Variants in CDADC1 observed in about 807,000 individuals in gnomAD.
The protein encoded by CDADC1 is cytidine and dCMP deaminase domain containing 1.
In CDADC1, 39 loss-of-function variants were observed where a neutral mutation model predicts 54.9. The ratio of observed to expected loss-of-function variants is 0.71; its 90% CI spans 0.55 to 0.93. CDADC1 has a LOEUF of 0.93. Ranked by LOEUF, CDADC1 falls within the 40% of genes least tolerant of loss-of-function variation. The probability of loss-of-function intolerance (pLI) is 0.00; values close to 1 mark genes in which losing one functional copy is unlikely to be tolerated. For synonymous variants in CDADC1, 186 were observed against 204.0 expected, an observed-to-expected ratio of 0.91 and a Z score of 0.75; for missense variants, 518 against 618.8, an observed-to-expected ratio of 0.84 and a Z score of 1.73.
intron 5 of CDADC1, among the ~76,000 whole-genome samples, chr13:49,273,833 T>C (rs1385626138): frequency 6.6e-6 from 1 of 152,262 alleles, no homozygotes; most frequent in Non-Finnish European, 1.5e-5. Context: ...ATATTTTCCA[T>C]GATTAGAGTA....
chr13:49,270,953 A>G (rs1952950606), intron 5 of CDADC1, among the ~76,000 whole-genome samples: 1 of 152,224 alleles, frequency 6.6e-6, no homozygotes, highest in African/African-American at 2.4e-5. Flanking sequence ...TGATGACCTC[A>G]TTTCTCCCTA....
chr13:49,276,758 T>C (rs1924659), intron 6 of CDADC1, among the ~76,000 whole-genome samples: 94,852 of 152,044 alleles, frequency 0.62, 30,496 homozygotes, highest in South Asian at 0.76. Flanking sequence ...GTTAAAGTTA[T>C]CTGTTCAATT....
chr13:49,251,304 A>G (rs368701995), intron 2 of CDADC1, among the ~76,000 whole-genome samples: 3 of 151,982 alleles, frequency 2.0e-5, no homozygotes, highest in African/African-American at 4.8e-5. Flanking sequence ...GCTACTTAGG[A>G]GGCTGAGGCA....
In CDADC1 at chr13:49,280,496, A is replaced by G; in HGVS notation, c.1221-13A>G. The G allele has an allele frequency of 7.4e-7, 1 of 1,352,026 alleles. No individual in the cohort carries two copies. The highest frequency in any genetic ancestry group is 9.7e-7 in the Non-Finnish European group (1 of 1,025,798). The allele number at this position is 1,352,026 out of a possible 1,614,324, so 83.8% of individuals were successfully genotyped here. A position where few individuals can be genotyped will look rare whatever the true frequency, so the allele number is the denominator to read the frequency against. The stretch of plus-strand genomic sequence containing the variant: ...GAAACGACCTTTCTGATATTTTATA[A>G]TTTTTTTTGTAGGTGTCAAGAAATA... On this transcript the variant is annotated splice_polypyrimidine_tract_variant and intron_variant, in intron 7 of 9. Transcript: ENST00000251108.
Position 49,259,524 on chromosome 13 carries a change from G to T in CDADC1, c.430+1G>T. 6.2e-7 allele frequency: 1 copy of T among 1,613,556 alleles called. No homozygotes were observed. The highest frequency in any genetic ancestry group is 8.5e-7 in the Non-Finnish European group (1 of 1,179,612). ...GCTTGTTTGAAAATGATTGTAAATG[G>T]TAAGTGCAGAAAAGGGTTTGTTGGG... On this transcript the variant is annotated splice_donor_variant, in intron 4 of 9. Coordinates refer to ENST00000251108, the MANE Select transcript of CDADC1 (RefSeq NM_030911.4). LOFTEE classifies it high-confidence loss of function.
intron 8 of CDADC1, among the ~76,000 whole-genome samples, chr13:49,285,224 G>T (rs542414487): frequency 2.0e-5 from 3 of 146,842 alleles, no homozygotes; most frequent in African/African-American, 7.6e-5. Flanking sequence ...TGTCTTCCAG[G>T]CTGGAGTGCA....
chr13:49,267,019 G>C (rs1437238740), intron 4 of CDADC1, among the ~76,000 whole-genome samples: 2 of 152,126 alleles, frequency 1.3e-5, no homozygotes, highest in Admixed American at 1.3e-4. Flanking sequence ...ATTCCTAGAG[G>C]CTCTGTGAGA....
At chr13:49,253,747 A>G (rs891883262) in intron 2 of CDADC1, among the ~76,000 whole-genome samples, 1 of 152,128 alleles carries the variant, frequency 6.6e-6, no homozygotes, top group African/African-American at 2.4e-5. Flanking sequence ...TGGTCTTGCC[A>G]TGTTGCCCAG....
Position 49,267,727 on chromosome 13 carries a change from C to A in CDADC1, c.668C>A (p.Ala223Asp). ...AAAATTACAAAAACATTGCCGGATG[C>A]TAACACTGACTTTTATTATGAATGT... Reference protein sequence around the residue: ...IQKITKTLPDANTDFYYECKQ... With the variant: ...IQKITKTLPDDNTDFYYECKQ... The change falls in exon 5 of 10, where the codon GCT (alanine) becomes GAT (aspartate). Residue 223 changes from alanine to aspartate, a missense_variant. Coordinates refer to ENST00000251108, the MANE Select transcript of CDADC1 (RefSeq NM_030911.4). The A allele has an allele frequency of 1.2e-6, 2 of 1,611,276 alleles. No homozygotes were observed. Among genetic ancestry groups the A allele is most frequent in the Non-Finnish European group, 1.7e-6 (2 of 1,178,754 alleles).
At chr13:49,251,424 A>C (rs1952431482) in intron 2 of CDADC1, among the ~76,000 whole-genome samples, 1 of 152,058 alleles carries the variant, frequency 6.6e-6, no homozygotes, top group Non-Finnish European at 1.5e-5. Context: ...AAAAAAACGT[A>C]TAAAAACTGG....
intron 2 of CDADC1, among the ~76,000 whole-genome samples, chr13:49,251,420 A>G (rs1422416933): frequency 6.6e-6 from 1 of 152,012 alleles, no homozygotes. Context: ...AGAAAAAAAA[A>G]CGTATAAAAA....
At chr13:49,282,289 A>G (rs868461149) in intron 8 of CDADC1, among the ~76,000 whole-genome samples, 3 of 109,296 alleles carry the variant, frequency 2.7e-5, no homozygotes, top group African/African-American at 1.1e-4. Flanking sequence ...GGGTCTCACT[A>G]TCTCACCCAG....
At chr13:49,288,578 G>T (rs1953594709) in intron 9 of CDADC1, among the ~76,000 whole-genome samples, 2 of 152,098 alleles carry the variant, frequency 1.3e-5, no homozygotes, top group Non-Finnish European at 2.9e-5. Flanking sequence ...TCCAATTTTT[G>T]ATTCAGTTGA....
At chr13:49,265,024 T>C (rs1225729011) in intron 4 of CDADC1, among the ~76,000 whole-genome samples, 2 of 152,238 alleles carry the variant, frequency 1.3e-5, no homozygotes, top group Admixed American at 1.3e-4. Flanking sequence ...ATATAAACTC[T>C]TACCCACTAT....
At chr13:49,265,919 C>T (rs1315769199) in intron 4 of CDADC1, 2 of 1,302,922 alleles carry the variant, frequency 1.5e-6, no homozygotes, top group African/African-American at 1.5e-5. Flanking sequence ...GAAAGGTTTA[C>T]CATCACTGCT....
At position 49,292,839 on chromosome 13, in the gene CDADC1, G is replaced by A. The variant is rs929144885; in HGVS notation, c.*1082G>A. On this transcript the variant is annotated 3_prime_UTR_variant, in exon 10 of 10. Coordinates refer to ENST00000251108, the MANE Select transcript of CDADC1 (RefSeq NM_030911.4). ...TGTCTTCCTGGATCTGCGGTGGTCAGGTTTGCCTCTGCTTTTGTTCCCTGC... is the reference window on the plus strand; with the variant it reads ...TGTCTTCCTGGATCTGCGGTGGTCAAGTTTGCCTCTGCTTTTGTTCCCTGC... The A allele has an allele frequency of 2.4e-6, 3 of 1,244,880 alleles. No homozygotes were observed. Among genetic ancestry groups the A allele is most frequent in the Non-Finnish European group, 3.1e-6 (3 of 958,130 alleles). 77.1% of individuals were successfully genotyped at this position (1,244,880 alleles called of 1,614,324 possible).
intron 8 of CDADC1, among the ~76,000 whole-genome samples, chr13:49,285,020 T>C (rs1418520704): frequency 6.6e-6 from 1 of 152,216 alleles, no homozygotes; most frequent in Non-Finnish European, 1.5e-5. Context: ...CAGGCTTCCC[T>C]ATTTATTCCT....
At chr13:49,279,889 A>T (rs181903502) in intron 7 of CDADC1, among the ~76,000 whole-genome samples, 8 of 152,228 alleles carry the variant, frequency 5.3e-5, no homozygotes, top group Non-Finnish European at 8.8e-5. Context: ...TGTCCTCTTC[A>T]TTACAGATTT....
At chr13:49,265,499 T>C (rs982876722) in intron 4 of CDADC1, among the ~76,000 whole-genome samples, 12 of 152,184 alleles carry the variant, frequency 7.9e-5, no homozygotes, top group Admixed American at 7.2e-4. Context: ...TCCAGTGATA[T>C]TGCTGATAAC....
Sources: gnomAD v4.1 joint callset for allele counts (sites outside exome capture counted in the v4.1 genomes callset) on GRCh38, gnomAD v4.1.1 for gene constraint, MANE v1.5 for transcripts, NCBI Gene and HGNC (gene_info 2026-07-23, HGNC 2026-07-21) for gene names.